DCP1B: variants seen among roughly 807,000 people sequenced by gnomAD.
DCP1B encodes mRNA-decapping enzyme 1B.
Under a neutral mutation model 60.5 loss-of-function variants are expected in DCP1B, and 47 were observed. The ratio of observed to expected loss-of-function variants is 0.78; its 90% confidence interval spans 0.61 to 0.99. The LOEUF (loss-of-function observed/expected upper bound fraction) is 0.99, where lower values mean the gene tolerates loss of function less well. Among genes scored for constraint, DCP1B ranks in the 50% least tolerant of loss-of-function variants. DCP1B has a pLI of 0.00. For missense variants in DCP1B, 725 were observed against 756.8 expected, an observed-to-expected ratio of 0.96 and a Z score of 0.49; for synonymous variants, 267 against 280.3, an observed-to-expected ratio of 0.95 and a Z score of 0.47.
chr12:2,003,366 C>G (rs1213210899), intron 1 of DCP1B, among the ~76,000 whole-genome samples: 1 of 152,196 alleles, frequency 6.6e-6, no homozygotes, highest in Non-Finnish European at 1.5e-5. Context: ...CTAAGTTCTC[C>G]ATACTGTTTT....
At chr12:1,952,144 C>T (rs2030695351) in intron 7 of DCP1B, among the ~76,000 whole-genome samples, 1 of 152,198 alleles carries the variant, frequency 6.6e-6, no homozygotes, top group Non-Finnish European at 1.5e-5. Context: ...CTACATTTCA[C>T]TGCATTATAG....
At chr12:1,991,427 T>C (rs1593213314) in intron 3 of DCP1B, 1 of 212,396 alleles carries the variant, frequency 4.7e-6, no homozygotes, top group East Asian at 1.2e-4. Flanking sequence ...ACATCTGTTA[T>C]TTTAAATTAA....
Position 1,971,990 on chromosome 12 carries a change from T to C in DCP1B, c.320-4080A>G, listed in dbSNP as rs906481045. On this transcript the variant is annotated intron_variant, in intron 3 of 8. Transcript: ENST00000280665. The surrounding 1 kb of genome is among the most constrained non-coding windows in gnomAD (Gnocchi z 4.2). The stretch of plus-strand genomic sequence containing the variant: ...AATTAGGAAGTGGATGATAAACACA[T>C]AATTACATGGGTAAAATTTAAATAG... Among the ~76,000 whole-genome samples, 2 of 152,242 alleles carry C rather than the reference T, an allele frequency of 1.3e-5. No homozygotes were observed. Among genetic ancestry groups the C allele is most frequent in the African/African-American group, 4.8e-5 (2 of 41,472 alleles).
At chr12:1,943,519 A>G (rs897115094), downstream of DCP1B, among the ~76,000 whole-genome samples, 6 of 152,342 alleles carry the variant, frequency 3.9e-5, no homozygotes, top group Non-Finnish European at 4.4e-5. Context: ...TCCCTGATGA[A>G]CATCAAAGCG....
chr12:2,000,987 T>C (rs867279095), intron 1 of DCP1B, among the ~76,000 whole-genome samples: 6 of 149,028 alleles, frequency 4.0e-5, no homozygotes, highest in Non-Finnish European at 8.9e-5. Flanking sequence ...CAGTGAGCCA[T>C]GGTCACGCCA....
intron 1 of DCP1B, among the ~76,000 whole-genome samples, chr12:2,000,445 G>A (rs1253120700): frequency 6.6e-6 from 1 of 151,166 alleles, no homozygotes; most frequent in East Asian, 1.9e-4. Flanking sequence ...CTTCCTTGAT[G>A]TAACAGAAAT....
At chr12:1,977,024 C>T (rs1413672239) in intron 3 of DCP1B, among the ~76,000 whole-genome samples, 1 of 152,062 alleles carries the variant, frequency 6.6e-6, no homozygotes, top group African/African-American at 2.4e-5. Context: ...GGAAAACAAC[C>T]CTCAGTTATC....
intron 6 of DCP1B, among the ~76,000 whole-genome samples, chr12:1,953,497 A>T (rs2030769640): frequency 6.6e-6 from 1 of 152,148 alleles, no homozygotes; most frequent in Admixed American, 6.5e-5. Flanking sequence ...CCCCCAAAAC[A>T]GTTATTATAT....
chr12:1,956,061 ACAT>A (rs1365189884), intron 5 of DCP1B, among the ~76,000 whole-genome samples: 2 of 152,220 alleles, frequency 1.3e-5, no homozygotes, highest in African/African-American at 4.8e-5. Flanking sequence ...AAAATTACTA[ACAT>A]CATCTTTATT....
intron 5 of DCP1B, among the ~76,000 whole-genome samples, chr12:1,956,612 G>A (rs1449873473): frequency 6.6e-6 from 1 of 152,204 alleles, no homozygotes; most frequent in Non-Finnish European, 1.5e-5. Context: ...TTTAGCACAA[G>A]TATTACGTGG....
At chr12:1,958,768 A>G (rs1371977111) in intron 5 of DCP1B, among the ~76,000 whole-genome samples, 14 of 124,940 alleles carry the variant, frequency 1.1e-4, no homozygotes, top group South Asian at 2.7e-4. Flanking sequence ...GAAACAGGGG[A>G]AAAGCTCCCC....
chr12:1,952,903 A>G lies in DCP1B; in HGVS notation c.1037T>C (p.Val346Ala). 6.2e-7 allele frequency: 1 copy of G among 1,614,160 alleles called. No individual in the cohort carries two copies. Among genetic ancestry groups the G allele is most frequent in the African/African-American group, 1.3e-5 (1 of 75,034 alleles). ...SPHNIGTSRG[V>A]QNASRTQNLF... Reference sequence around the variant, plus strand: ...GTTCTGAGTTCTGGAAGCATTTTGTACACCACGAGAAGTTCCAATGTTGTG... The same window carrying G: ...GTTCTGAGTTCTGGAAGCATTTTGTGCACCACGAGAAGTTCCAATGTTGTG... The change falls in exon 7 of 9, where the codon GTA (valine) becomes GCA (alanine). Residue 346 changes from valine to alanine, a missense_variant. By Grantham distance (64) the Val-to-Ala change is moderately conservative. Transcript: ENST00000280665.
At chr12:1,953,423 A>C in intron 6 of DCP1B, 135 bp from the exon 7 acceptor site, 1 of 1,122,360 alleles carries the variant, frequency 8.9e-7, no homozygotes. Context: ...AATAATAATA[A>C]TAAACTTGAA....
At chr12:1,993,485 CTT>C in intron 2 of DCP1B, 94 bp from the exon 3 acceptor site, 1 of 1,492,988 alleles carries the variant, frequency 6.7e-7, no homozygotes. Flanking sequence ...GTCTCTCAAC[CTT>C]TGTTTGTATA....
intron 3 of DCP1B, among the ~76,000 whole-genome samples, chr12:1,984,978 C>T (rs907770716): frequency 1.3e-5 from 2 of 150,774 alleles, no homozygotes; most frequent in African/African-American, 4.9e-5. Flanking sequence ...TGCAGTCATT[C>T]AAAACATTAT....
At chr12:2,001,639 C>T (rs1490432565) in intron 1 of DCP1B, among the ~76,000 whole-genome samples, 2 of 152,304 alleles carry the variant, frequency 1.3e-5, no homozygotes, top group East Asian at 1.9e-4. Context: ...GCACGTGAGT[C>T]ACCTATGAGG....
intron 3 of DCP1B, among the ~76,000 whole-genome samples, chr12:1,980,498 T>C (rs1380638379): frequency 6.6e-6 from 1 of 152,080 alleles, no homozygotes; most frequent in Non-Finnish European, 1.5e-5. Context: ...TATATGTACA[T>C]GTTCTCAATA....
chr12:1,967,082 A>G (rs1036622769), intron 4 of DCP1B, among the ~76,000 whole-genome samples: 17 of 152,208 alleles, frequency 1.1e-4, no homozygotes, highest in Admixed American at 9.2e-4. Flanking sequence ...TGGCAGGGAA[A>G]TAACTGCCTC....
chr12:1,946,364 A>C, intron 8 of DCP1B, 78 bp from the exon 9 acceptor site: 2 of 1,156,632 alleles, frequency 1.7e-6, no homozygotes. Flanking sequence ...CTTAGAGCTG[A>C]ACTGGCCTTT....
Sources: gnomAD v4.1 joint callset for allele counts (sites outside exome capture counted in the v4.1 genomes callset) on GRCh38, gnomAD v4.1.1 for gene constraint, Gnocchi (gnomAD v3.1) non-coding constraint, MANE v1.5 for transcripts, NCBI Gene and HGNC (gene_info 2026-07-23, HGNC 2026-07-21) for gene names.